Variants in SYNE3 observed in about 807,000 individuals in gnomAD.
SYNE3 encodes spectrin repeat containing nuclear envelope family member 3, also known as nesprin-3.
SYNE3 carries 100 observed loss-of-function variants against 111.2 expected under a neutral mutation model. The observed-to-expected ratio is 0.90, with a 90% CI of 0.77 to 1.06. The LOEUF (loss-of-function observed/expected upper bound fraction) is 1.06. Among genes scored for constraint, SYNE3 ranks in the 50% least tolerant of loss-of-function variants. The probability of loss-of-function intolerance (pLI) is 0.00; values close to 1 mark genes in which losing one functional copy is unlikely to be tolerated. For missense variants in SYNE3, 1,160 were observed against 1,240.3 expected (o/e 0.94, Z 0.97); for synonymous variants, 547 against 533.9 (o/e 1.02, Z -0.34).
At chr14:95,441,097 C>T (rs1357192059) in intron 11 of SYNE3, among the ~76,000 whole-genome samples, 4 of 152,200 alleles carry the variant, frequency 2.6e-5, no homozygotes, top group South Asian at 2.1e-4. Context: ...CCAGTCAGAC[C>T]CCAGGGCCTG....
In SYNE3 at chr14:95,443,191, A is replaced by C. The variant is rs774265049; in HGVS notation, c.1875T>G (p.Leu625=). Residue 625 remains leucine (L), a synonymous_variant, in exon 11 of 18, where the codon CTT becomes CTG. Transcript: ENST00000682763. ...TCTGCAGGGCCTGGAAGTCGGAGGA[A>C]AGCTGGTCCATTTTGTGCTGGTGGT... ...NPNHQHKMDQ[L]SSDFQALQRS... 2.0e-5 allele frequency: 33 copies of C among 1,613,980 alleles called. No individual in the cohort carries two copies. Among genetic ancestry groups the C allele is most frequent in the Non-Finnish European group, 2.5e-5 (30 of 1,179,986 alleles).
At chr14:95,439,488 G>A in intron 13 of SYNE3, 124 bp downstream of exon 13, 3 of 1,290,704 alleles carry the variant, frequency 2.3e-6, no homozygotes, top group Non-Finnish European at 3.3e-6. Flanking sequence ...GTGTGAAGGT[G>A]CCCACGGCCC....
In SYNE3 at chr14:95,416,793, T is replaced by TCCCTGGC; in HGVS notation, c.*1026_*1032dup. On this transcript the variant is annotated 3_prime_UTR_variant, in exon 18 of 18. Coordinates refer to ENST00000682763, the MANE Select transcript of SYNE3 (RefSeq NM_152592.6). Reference sequence around the variant, plus strand: ...TCTCACCTCTGTCCTGGACCCTCGATCCCTGGCCCCTGGCGTGGCAGATGC... The same window carrying TCCCTGGC: ...TCTCACCTCTGTCCTGGACCCTCGATCCCTGGCCCCTGGCCCCTGGCGTGGCAGATGC... The TCCCTGGC allele has an allele frequency of 6.6e-6, 1 of 152,414 alleles. No individual in the cohort carries two copies. The highest frequency in any genetic ancestry group is 2.1e-4 in the South Asian group (1 of 4,826). 9.4% of individuals were successfully genotyped at this position (152,414 alleles called of 1,614,324 possible). A position where few individuals can be genotyped will look rare whatever the true frequency, so the allele number is the denominator to read the frequency against.
chr14:95,426,376 G>A lies in SYNE3; in HGVS notation c.2727+5703C>T, dbSNP rs115287295. 4.2e-3 allele frequency among the ~76,000 whole-genome samples: 645 copies of A among 152,166 alleles called. 3 individuals are homozygous for A. The highest frequency in any genetic ancestry group is 0.011 in the African/African-American group (449 of 41,536). On this transcript the variant is annotated intron_variant, in intron 17 of 17. Coordinates refer to ENST00000682763, the MANE Select transcript of SYNE3 (RefSeq NM_152592.6). ...GAAGAAGCAGATTTGACCTGCCCCC[G>A]GAGTTCCACAGTAAGTCACAGGGGT...
rs901257879 is a variant in SYNE3 at position 95,413,892 on chromosome 14, T to C, written c.*3934A>G. 39 of 152,226 alleles carry C rather than the reference T, an allele frequency of 2.6e-4. No homozygotes were observed. Among genetic ancestry groups the C allele is most frequent in the African/African-American group, 9.4e-4 (39 of 41,438 alleles). The allele number at this position is 152,226 out of a possible 1,614,324, so 9.4% of individuals were successfully genotyped here. ...GAAGCTCTTATCCTGTGCTGGGCAT[T>C]GGGGGTGTGGAGTTCTGTCATTCAT... On this transcript the variant is annotated 3_prime_UTR_variant, in exon 18 of 18. Transcript: ENST00000682763.
At chr14:95,480,769 A>G (rs1889192643) in intron 1 of SYNE3, among the ~76,000 whole-genome samples, 1 of 152,228 alleles carries the variant, frequency 6.6e-6, no homozygotes, top group Non-Finnish European at 1.5e-5. Flanking sequence ...ACTGAAAAAA[A>G]AAAGGCCAGC....
Position 95,417,647 on chromosome 14 carries a change from T to C in SYNE3, c.*179A>G, listed in dbSNP as rs757064052. 6 of 654,778 alleles carry C rather than the reference T, an allele frequency of 9.2e-6. No individual in the cohort carries two copies. The highest frequency in any genetic ancestry group is 1.6e-5 in the Non-Finnish European group (6 of 365,392). 40.6% of individuals were successfully genotyped at this position (654,778 alleles called of 1,614,324 possible). Reference sequence around the variant, plus strand: ...TAGTACACATTTAGTATAAATAGACTAAGACAACACTGTATAAAAAGTAAG... The same window carrying C: ...TAGTACACATTTAGTATAAATAGACCAAGACAACACTGTATAAAAAGTAAG... On this transcript the variant is annotated 3_prime_UTR_variant, in exon 18 of 18. Transcript: ENST00000682763.
At chr14:95,480,515 C>T (rs979159772) in intron 1 of SYNE3, among the ~76,000 whole-genome samples, 3 of 152,172 alleles carry the variant, frequency 2.0e-5, no homozygotes, top group African/African-American at 7.2e-5. Flanking sequence ...ACCAGCCAGT[C>T]CCCCAGAGGT....
rs145488647 is a variant in SYNE3 at position 95,453,847 on chromosome 14, G to A, written c.1138-1464C>T. On this transcript the variant is annotated intron_variant, in intron 6 of 17. Transcript: ENST00000682763. ...ATTCCTGGGAAGGACGCTGCCCCATGGCTGGGTGGCCTGGCTAAGCATGAC... is the reference window on the plus strand; with the variant it reads ...ATTCCTGGGAAGGACGCTGCCCCATAGCTGGGTGGCCTGGCTAAGCATGAC... Among the ~76,000 whole-genome samples the A allele has an allele frequency of 1.0e-3, 157 of 152,358 alleles. 4 individuals are homozygous for A. The highest frequency in any genetic ancestry group is 3.3e-3 in the African/African-American group (139 of 41,592).
chr14:95,432,015 G>A (rs1419000547), intron 17 of SYNE3, 64 bp downstream of exon 17: 18 of 1,573,516 alleles, frequency 1.1e-5, no homozygotes, highest in South Asian at 3.5e-5. Flanking sequence ...CCAGTGTCAC[G>A]GGCCCACCAA....
Position 95,457,199 on chromosome 14 carries a change from G to A in SYNE3, c.767C>T (p.Thr256Met), listed in dbSNP as rs182425490. Residue 256 changes from threonine (T) to methionine (M), a missense_variant, in exon 5 of 18, where the codon ACG becomes ATG. By Grantham distance (81) the Thr-to-Met change is moderately conservative. Transcript: ENST00000682763. The part of the protein sequence containing the change: ...CLGRNCKLPI[T>M]QRLSTLQDIA... ...TACCTGCAGTGTGGAGAGGCGCTGC[G>A]TGATGGGCAGCTTGCAGTTCCGCCC... is the stretch of plus-strand genomic sequence containing the variant. 6.1e-5 allele frequency: 99 copies of A among 1,613,964 alleles called. No homozygotes were observed. Among genetic ancestry groups the A allele is most frequent in the Admixed American group, 3.3e-4 (20 of 60,006 alleles).
chr14:95,455,755 AGGCAGGG>A (rs1270311755), intron 5 of SYNE3, 31 bp from the exon 6 acceptor site: 1 of 1,601,428 alleles, frequency 6.2e-7, no homozygotes, highest in Admixed American at 1.7e-5. Flanking sequence ...AGGGAAAAAC[AGGCAGGG>A]AAAAAGAATA....
chr14:95,481,908 C>T (rs536344689), intron 1 of SYNE3, among the ~76,000 whole-genome samples: 1 of 152,382 alleles, frequency 6.6e-6, no homozygotes, highest in East Asian at 1.9e-4. Context: ...CGAGGCAGAT[C>T]GCCTGCTGGG....
At chr14:95,452,493 A>G (rs1463028666) in intron 6 of SYNE3, 110 bp from the exon 7 acceptor site, 7 of 1,345,884 alleles carry the variant, frequency 5.2e-6, no homozygotes, top group Non-Finnish European at 6.8e-6. Context: ...CTAGGAAGAA[A>G]CTGTCACCAG....
At chr14:95,444,824 C>T (rs998281490) in intron 9 of SYNE3, among the ~76,000 whole-genome samples, 196 bp from the exon 10 acceptor site, 4 of 152,210 alleles carry the variant, frequency 2.6e-5, no homozygotes, top group African/African-American at 9.7e-5. Flanking sequence ...AGCGTCCTCA[C>T]AGAACACTTT....
chr14:95,436,779 T>A (rs1886107116), intron 15 of SYNE3, 41 bp downstream of exon 15: 2 of 1,606,224 alleles, frequency 1.2e-6, no homozygotes, highest in Admixed American at 3.3e-5. Flanking sequence ...CCTCTGTGGG[T>A]GCAAACCTTA....
intron 1 of SYNE3, among the ~76,000 whole-genome samples, chr14:95,492,752 A>G (rs1418898820): frequency 2.0e-5 from 3 of 152,128 alleles, no homozygotes; most frequent in Non-Finnish European, 2.9e-5. Context: ...GAGGTGGCTC[A>G]TGCCTGTAAT....
chr14:95,449,814 C>T, intron 8 of SYNE3, 117 bp downstream of exon 8: 1 of 1,447,040 alleles, frequency 6.9e-7, no homozygotes, highest in Non-Finnish European at 9.2e-7. Flanking sequence ...GCGCAGTGAG[C>T]TCTCCCCAGA....
At chr14:95,460,732 A>T (rs555298111) in intron 4 of SYNE3, among the ~76,000 whole-genome samples, 2 of 152,138 alleles carry the variant, frequency 1.3e-5, no homozygotes, top group Admixed American at 6.5e-5. Context: ...GGGTTATTTA[A>T]ATCCGTCAAA....
Sources: allele counts gnomAD v4.1 joint callset (sites outside exome capture counted in the v4.1 genomes callset), GRCh38; gene constraint gnomAD v4.1.1; transcripts MANE v1.5; gene names NCBI Gene and HGNC (gene_info 2026-07-23, HGNC 2026-07-21).